The following SHISAL1 variants were observed in gnomAD, a reference collection of about 807,000 sequenced individuals.
The protein encoded by SHISAL1 is protein shisa-like-1.
A neutral mutation model predicts 22.6 loss-of-function variants in SHISAL1; 9 were observed. The observed-to-expected ratio is 0.40, with a 90% CI of 0.24 to 0.70. The LOEUF is 0.70. Among genes scored for constraint, SHISAL1 ranks in the 30% least tolerant of loss-of-function variants. The pLI, the probability that SHISAL1 is intolerant of heterozygous loss-of-function variation, is 0.39. For missense variants in SHISAL1, 246 were observed against 270.6 expected, an observed-to-expected ratio of 0.91 and a Z score of 0.64; for synonymous variants, 119 against 115.4, an observed-to-expected ratio of 1.03 and a Z score of -0.20.
chr22:44,266,423 CTG>C lies in SHISAL1; in HGVS notation c.*-16740_*-16739del, dbSNP rs1002847572. Among the ~76,000 whole-genome samples the C allele has an allele frequency of 2.6e-3, 243 of 92,880 alleles. 1 individual carries two copies. The highest frequency in any genetic ancestry group is 0.011 in the African/African-American group (221 of 19,704). The allele number at this position is 92,880 out of a possible 152,430, so 60.9% of individuals were successfully genotyped here. ...GGAGGGCTTGTTGTTTGTTGGGGGG[CTG>C]TGTGTGTGTTGGGGGGTTGTGTGTG... On this transcript the variant is annotated intron_variant, in intron 4 of 4. Transcript: ENST00000381176.
chr22:44,322,845 G>T, the SHISAL1 span, among the ~76,000 whole-genome samples: 2 of 152,202 alleles, frequency 1.3e-5, no homozygotes, highest in Non-Finnish European at 2.9e-5. Context: ...GGAAGCTTCT[G>T]CCCCCAAACT....
the SHISAL1 span, among the ~76,000 whole-genome samples, chr22:44,323,150 CCCATTCATCCATCCATCCAT>C: frequency 1.4e-5 from 2 of 146,968 alleles, no homozygotes; most frequent in African/African-American, 5.0e-5. Context: ...CATCCATCCA[CCCATTCATCCATCCATCCAT>C]CCATTCATCC....
intron 4 of SHISAL1, among the ~76,000 whole-genome samples, chr22:44,250,691 T>C (rs2055041275): frequency 6.6e-6 from 1 of 152,172 alleles, no homozygotes; most frequent in Non-Finnish European, 1.5e-5. Flanking sequence ...TGAACTATCT[T>C]GCATGCATGA....
At chr22:44,291,136 C>G (rs920241002) in intron 3 of SHISAL1, among the ~76,000 whole-genome samples, 1 of 152,200 alleles carries the variant, frequency 6.6e-6, no homozygotes, top group Non-Finnish European at 1.5e-5. Context: ...CTTAGAGACA[C>G]GACGTGTGTG....
the SHISAL1 span, among the ~76,000 whole-genome samples, chr22:44,320,007 G>T: frequency 3.3e-5 from 5 of 152,312 alleles, no homozygotes; most frequent in Admixed American, 2.6e-4. Context: ...CTGTGAATGG[G>T]TCACTTCATT....
At chr22:44,264,256 T>C (rs1433431651) in intron 4 of SHISAL1, among the ~76,000 whole-genome samples, 1 of 152,152 alleles carries the variant, frequency 6.6e-6, no homozygotes, top group African/African-American at 2.4e-5. Context: ...ATGACTCCAT[T>C]TTACAGTTGC....
intron 4 of SHISAL1, among the ~76,000 whole-genome samples, chr22:44,264,998 A>G (rs2055152230): frequency 1.4e-5 from 2 of 143,652 alleles, no homozygotes; most frequent in Admixed American, 1.3e-4. Flanking sequence ...TAACACACAC[A>G]CAACAGAGAC....
intron 3 of SHISAL1, among the ~76,000 whole-genome samples, chr22:44,292,262 T>TCA (rs1400851167): frequency 6.6e-6 from 1 of 151,802 alleles, no homozygotes; most frequent in African/African-American, 2.4e-5. Flanking sequence ...CTTCCGGGAG[T>TCA]CACATTGTCC....
At chr22:44,284,886 TCTGCCTTC>T (rs1555928193) in intron 4 of SHISAL1, among the ~76,000 whole-genome samples, 1 of 41,924 alleles carries the variant, frequency 2.4e-5, no homozygotes, top group South Asian at 9.0e-4. Flanking sequence ...ATGCCACCTC[TCTGCCTTC>T]CTGCCTTCCT....
At chr22:44,293,121 C>T (rs779195339) in intron 3 of SHISAL1, among the ~76,000 whole-genome samples, 4 of 152,192 alleles carry the variant, frequency 2.6e-5, no homozygotes, top group Non-Finnish European at 2.9e-5. Context: ...CAAAAGTGCT[C>T]TTTCCTCTGG....
At chr22:44,259,388 A>T (rs1404729259) in intron 4 of SHISAL1, among the ~76,000 whole-genome samples, 1 of 151,950 alleles carries the variant, frequency 6.6e-6, no homozygotes, top group Non-Finnish European at 1.5e-5. Flanking sequence ...CAGTGAGCCG[A>T]TATCGCGCCA....
intron 4 of SHISAL1, among the ~76,000 whole-genome samples, chr22:44,276,091 T>A (rs1420950785): frequency 6.6e-6 from 1 of 152,206 alleles, no homozygotes; most frequent in Non-Finnish European, 1.5e-5. Context: ...AAACGTGATG[T>A]CAGGCGGCGG....
Position 44,285,592 on chromosome 22 carries a change from G to A in SHISAL1, c.435C>T (p.Asp145=), listed in dbSNP as rs373256060. Residue 145 remains aspartate, a synonymous_variant, in exon 4 of 5, where the codon GAC becomes GAT. Coordinates refer to ENST00000381176, the MANE Select transcript of SHISAL1 (RefSeq NM_001099294.2). Reference sequence around the variant, plus strand: ...GAGCGGGGTTCCCCCACCGCCGGGGGTCCTGTTTCATCCATCGTCCTTGGA... The same window carrying A: ...GAGCGGGGTTCCCCCACCGCCGGGGATCCTGTTTCATCCATCGTCCTTGGA... ...WGIQGRWMKQ[D]PRRWGNPARA... 3.1e-5 allele frequency: 50 copies of A among 1,613,898 alleles called. No individual in the cohort carries two copies. The highest frequency in any genetic ancestry group is 3.9e-5 in the Non-Finnish European group (46 of 1,179,890).
intron 4 of SHISAL1, among the ~76,000 whole-genome samples, chr22:44,263,918 G>A (rs1235034409): frequency 6.6e-6 from 1 of 152,216 alleles, no homozygotes; most frequent in Non-Finnish European, 1.5e-5. Flanking sequence ...GTTTATTACA[G>A]CAGCTACGGG....
intron 3 of SHISAL1, among the ~76,000 whole-genome samples, chr22:44,286,228 C>G (rs751384275): frequency 6.6e-6 from 1 of 152,192 alleles, no homozygotes; most frequent in Non-Finnish European, 1.5e-5. Context: ...CCCCATCCTG[C>G]TGGACCAAGA....
chr22:44,295,784 T>G (rs2147298078), intron 3 of SHISAL1, among the ~76,000 whole-genome samples: 1 of 152,328 alleles, frequency 6.6e-6, no homozygotes, highest in African/African-American at 2.4e-5. Context: ...CTCTCAGGCA[T>G]GTGAAAAGAC....
chr22:44,278,740 C>T (rs2055257061), intron 4 of SHISAL1, among the ~76,000 whole-genome samples: 1 of 152,088 alleles, frequency 6.6e-6, no homozygotes, highest in African/African-American at 2.4e-5. Context: ...ACCTCAGGGG[C>T]CTCCGTGGGT....
At chr22:44,314,518 A>C (rs1373547448), upstream of SHISAL1, among the ~76,000 whole-genome samples, 6 of 152,182 alleles carry the variant, frequency 3.9e-5, no homozygotes, top group Non-Finnish European at 7.4e-5. Flanking sequence ...CCACCCTACG[A>C]GGCAGGAATT....
intron 4 of SHISAL1, among the ~76,000 whole-genome samples, chr22:44,269,286 C>T (rs2055188463): frequency 6.9e-6 from 1 of 144,272 alleles, no homozygotes; most frequent in South Asian, 2.2e-4. Context: ...CACACATACA[C>T]ACACCCCATG....
Sources: gnomAD v4.1 joint callset for allele counts (sites outside exome capture counted in the v4.1 genomes callset) on GRCh38, gnomAD v4.1.1 for gene constraint, MANE v1.5 for transcripts, NCBI Gene and HGNC (gene_info 2026-07-23, HGNC 2026-07-21) for gene names.